Variants in BBS9 observed in about 807,000 individuals in gnomAD.
The protein encoded by BBS9 is protein PTHB1.
A neutral mutation model predicts 117.7 loss-of-function variants in BBS9; 89 were observed. That is an observed-to-expected ratio of 0.76 (90% confidence interval 0.64 to 0.90). BBS9 has a LOEUF of 0.90. Among genes scored for constraint, BBS9 ranks in the 40% least tolerant of loss-of-function variants. The pLI, the probability that BBS9 is intolerant of heterozygous loss-of-function variation, is 0.00. For missense variants in BBS9, 982 were observed against 1,042.2 expected (o/e 0.94, Z 0.80); for synonymous variants, 379 against 370.9 (o/e 1.02, Z -0.25).
At chr7:33,283,567 A>C (rs1210919901) in intron 9 of BBS9, among the ~76,000 whole-genome samples, 1 of 152,092 alleles carries the variant, frequency 6.6e-6, no homozygotes, top group African/African-American at 2.4e-5. Context: ...TGAGTTCTCC[A>C]AACAATGAAA....
chr7:33,407,473 G>A (rs191221025), intron 19 of BBS9, among the ~76,000 whole-genome samples: 10,228 of 152,170 alleles, frequency 0.067, 327 homozygotes, highest in African/African-American at 0.079. Flanking sequence ...TCCGTTGCTG[G>A]TGAGGAACTG....
In BBS9 at chr7:33,534,029, G is replaced by T. The variant is rs748137047; in HGVS notation, c.2374G>T (p.Ala792Ser). Residue 792 changes from alanine (A) to serine (S), a missense_variant, in exon 21 of 23, where the codon GCT (alanine) becomes TCT (serine). By Grantham distance (99) the Ala-to-Ser change is moderately conservative (BLOSUM62 1). Coordinates refer to ENST00000242067, the MANE Select transcript of BBS9 (RefSeq NM_198428.3). ...TCLSKSSKEQ[A>S]LNLNSQLNIP... ...CCTGTCGAAGAGTTCTAAGGAGCAG[G>T]CTTTGAACCTCAACAGCCAGCTGAA... The T allele has an allele frequency of 1.9e-6, 3 of 1,614,084 alleles. No homozygotes were observed. Among genetic ancestry groups the T allele is most frequent in the Non-Finnish European group, 2.5e-6 (3 of 1,180,052 alleles).
At chr7:33,349,239 T>G in intron 13 of BBS9, 69 bp downstream of exon 13, 1 of 1,052,914 alleles carries the variant, frequency 9.5e-7, no homozygotes, top group African/African-American at 1.6e-5. Context: ...TTTGTTCATT[T>G]AATGGCTATT....
chr7:33,567,046 C>T (rs192645048), intron 21 of BBS9, among the ~76,000 whole-genome samples: 1 of 152,202 alleles, frequency 6.6e-6, no homozygotes. Context: ...GGGTTCTGTT[C>T]GCCTTCAGAA....
At chr7:33,527,356 G>A (rs532210694) in intron 20 of BBS9, among the ~76,000 whole-genome samples, 13 of 152,200 alleles carry the variant, frequency 8.5e-5, no homozygotes, top group African/African-American at 1.7e-4. Flanking sequence ...CCTCGCTGCC[G>A]CCTTGCAGTG....
At chr7:33,458,739 G>A (rs1483673834) in intron 19 of BBS9, among the ~76,000 whole-genome samples, 1 of 152,102 alleles carries the variant, frequency 6.6e-6, no homozygotes, top group Non-Finnish European at 1.5e-5. Context: ...CAAATGTTAT[G>A]GAAGAGTGAT....
In BBS9 at chr7:33,216,653, A is replaced by T. The variant is rs547821912; in HGVS notation, c.442+39062A>T. On this transcript the variant is annotated intron_variant, in intron 5 of 22. Coordinates refer to ENST00000242067, the MANE Select transcript of BBS9 (RefSeq NM_198428.3). ...CAGTGGTTGGCTTTGTCACATAGTC[A>T]TAGTTTGTGGGAGAATCTTGACCTT... Among the ~76,000 whole-genome samples, 178 of 152,318 alleles carry T rather than the reference A, an allele frequency of 1.2e-3. No individual in the cohort carries two copies. The South Asian group carries it at 0.015, about 13-fold the overall frequency.
intron 19 of BBS9, among the ~76,000 whole-genome samples, chr7:33,419,157 C>A (rs550969934): frequency 1.3e-5 from 2 of 152,044 alleles, no homozygotes; most frequent in African/African-American, 4.8e-5. Flanking sequence ...CTTGAGTAAC[C>A]TTTTGCCCTT....
intron 9 of BBS9, among the ~76,000 whole-genome samples, chr7:33,283,241 A>AT (rs1163914530): frequency 6.6e-6 from 1 of 152,166 alleles, no homozygotes; most frequent in African/African-American, 2.4e-5. Flanking sequence ...AAATTTGGAC[A>AT]TTCCATTTGG....
At chr7:33,178,972 TA>T (rs1797729146) in intron 5 of BBS9, among the ~76,000 whole-genome samples, 1 of 152,126 alleles carries the variant, frequency 6.6e-6, no homozygotes, top group African/African-American at 2.4e-5. Context: ...ACTTGAACGA[TA>T]AGGAGATATC....
chr7:33,358,299 T>C (rs1820009500), intron 16 of BBS9, among the ~76,000 whole-genome samples: 2 of 151,828 alleles, frequency 1.3e-5, no homozygotes, highest in Non-Finnish European at 3.0e-5. Flanking sequence ...AATGTAAATA[T>C]TTATTATTCA....
intron 5 of BBS9, among the ~76,000 whole-genome samples, chr7:33,198,689 A>G (rs965414703): frequency 2.0e-5 from 3 of 152,006 alleles, no homozygotes; most frequent in African/African-American, 4.8e-5. Context: ...CTTTTTTTCA[A>G]TAATAAAGTA....
At chr7:33,231,620 T>G (rs1334977021) in intron 5 of BBS9, among the ~76,000 whole-genome samples, 1 of 151,928 alleles carries the variant, frequency 6.6e-6, no homozygotes, top group Non-Finnish European at 1.5e-5. Context: ...CTGTGAAGAG[T>G]GTCATTTGGA....
At chr7:33,334,503 CAG>C (rs1314844543) in intron 9 of BBS9, among the ~76,000 whole-genome samples, 1 of 152,084 alleles carries the variant, frequency 6.6e-6, no homozygotes. Flanking sequence ...AGTCACAACT[CAG>C]AGGGAAGGGA....
chr7:33,148,949 C>T, intron 2 of BBS9, among the ~76,000 whole-genome samples: 1 of 152,112 alleles, frequency 6.6e-6, no homozygotes, highest in Non-Finnish European at 1.5e-5. Context: ...TCTTTAGCAG[C>T]AAGTGGTTCA....
At chr7:33,287,584 G>A (rs1803139902) in intron 9 of BBS9, among the ~76,000 whole-genome samples, 3 of 152,064 alleles carry the variant, frequency 2.0e-5, no homozygotes, top group Non-Finnish European at 4.4e-5. Context: ...ACAGATTGTG[G>A]GGGTTCCCAG....
chr7:33,545,238 T>A (rs986340649), intron 21 of BBS9, among the ~76,000 whole-genome samples: 16 of 152,274 alleles, frequency 1.1e-4, no homozygotes, highest in African/African-American at 3.6e-4. Flanking sequence ...CCTTTCTTGT[T>A]CAAATTGTTA....
intron 21 of BBS9, among the ~76,000 whole-genome samples, chr7:33,573,901 A>G (rs966944658): frequency 1.3e-5 from 2 of 152,074 alleles, no homozygotes; most frequent in African/African-American, 4.8e-5. Context: ...GTACAAGGCT[A>G]TTTGCACCTA....
At chr7:33,543,213 G>A (rs1179363180) in intron 21 of BBS9, among the ~76,000 whole-genome samples, 1 of 151,970 alleles carries the variant, frequency 6.6e-6, no homozygotes, top group Admixed American at 6.6e-5. Flanking sequence ...GATCATTAGT[G>A]ATGTTGACCA....
Sources: gnomAD v4.1 joint callset for allele counts (sites outside exome capture counted in the v4.1 genomes callset) on GRCh38, gnomAD v4.1.1 for gene constraint, MANE v1.5 for transcripts, NCBI Gene and HGNC (gene_info 2026-07-23, HGNC 2026-07-21) for gene names.